Variants in SH3PXD2B observed in about 807,000 individuals in gnomAD.
SH3PXD2B encodes SH3 and PX domain-containing protein 2B.
In SH3PXD2B, 37 loss-of-function variants were observed where a neutral mutation model predicts 73.1. The observed-to-expected ratio is 0.51, with a 90% confidence interval of 0.39 to 0.67. SH3PXD2B has a LOEUF of 0.67. SH3PXD2B is among the 30% of genes least tolerant of loss of function. The pLI is 0.00. For synonymous variants in SH3PXD2B, 457 were observed against 480.5 expected, an observed-to-expected ratio of 0.95 and a Z score of 0.64; for missense variants, 1,053 against 1,197.8, an observed-to-expected ratio of 0.88 and a Z score of 1.78.
At chr5:172,419,795 G>A (rs1332348386) in intron 2 of SH3PXD2B, among the ~76,000 whole-genome samples, 2 of 152,146 alleles carry the variant, frequency 1.3e-5, no homozygotes, top group African/African-American at 2.4e-5. Context: ...AGGTGTTATT[G>A]TTCTGTACCT....
chr5:172,336,532 A>G lies in SH3PXD2B; in HGVS notation c.*1837T>C, dbSNP rs1241611887. ...CGCAGAAGCAGCCAGCACCCACGTG[A>G]TAGGGGGTGGAGCTGGGAGGCGCGG... is the stretch of plus-strand genomic sequence containing the variant. On this transcript the variant is annotated 3_prime_UTR_variant, in exon 13 of 13. Transcript: ENST00000311601. 1.6e-5 allele frequency: 16 copies of G among 984,258 alleles called. No homozygotes were observed. Among genetic ancestry groups the G allele is most frequent in the Non-Finnish European group, 1.7e-5 (14 of 829,232 alleles). The allele number at this position is 984,258 out of a possible 1,614,324, so 61.0% of individuals were successfully genotyped here.
In SH3PXD2B at chr5:172,346,268, C is replaced by G; in HGVS notation, c.1063-7G>C. The G allele has an allele frequency of 6.2e-7, 1 of 1,613,490 alleles. No homozygotes were observed. The stretch of plus-strand genomic sequence containing the variant: ...GCAGGTTGAGGCCTCGAGGCTGGTA[C>G]GATCACACACAGGGTTATCTCCAAG... On this transcript the variant is annotated splice_polypyrimidine_tract_variant and splice_region_variant and intron_variant, in intron 11 of 12. Transcript: ENST00000311601.
intron 3 of SH3PXD2B, among the ~76,000 whole-genome samples, chr5:172,404,069 G>C (rs1758494694): frequency 6.6e-6 from 1 of 152,226 alleles, no homozygotes; most frequent in African/African-American, 2.4e-5. Flanking sequence ...GAAAATTCCA[G>C]CATGGTTGTA....
chr5:172,365,722 G>C (rs1468947473), intron 6 of SH3PXD2B, among the ~76,000 whole-genome samples: 1 of 152,214 alleles, frequency 6.6e-6, no homozygotes, highest in Non-Finnish European at 1.5e-5. Flanking sequence ...TTAACAATGA[G>C]CTTCTTGAGG....
intron 7 of SH3PXD2B, among the ~76,000 whole-genome samples, chr5:172,361,618 C>G (rs904036709): frequency 6.6e-6 from 1 of 152,220 alleles, no homozygotes; most frequent in Non-Finnish European, 1.5e-5. Flanking sequence ...TGCACACACT[C>G]ATTCTCAGGA....
chr5:172,368,554 T>TTA (rs1491167283), intron 6 of SH3PXD2B, among the ~76,000 whole-genome samples: 8 of 13,362 alleles, frequency 6.0e-4, no homozygotes, highest in African/African-American at 2.2e-3. Context: ...TATATATATA[T>TTA]TATATATATA....
intron 1 of SH3PXD2B, among the ~76,000 whole-genome samples, chr5:172,423,227 G>A (rs535402596): frequency 2.6e-5 from 4 of 152,292 alleles, no homozygotes; most frequent in South Asian, 2.1e-4. Context: ...TGGTGGCCCC[G>A]GACACACCAG....
At chr5:172,394,432 T>A in intron 4 of SH3PXD2B, 131 bp downstream of exon 4, 1 of 886,288 alleles carries the variant, frequency 1.1e-6, no homozygotes, top group East Asian at 2.7e-5. Context: ...TAATGAATGA[T>A]TTTCCCCCTA....
chr5:172,423,547 G>T (rs1042515929), intron 1 of SH3PXD2B, among the ~76,000 whole-genome samples: 4 of 129,796 alleles, frequency 3.1e-5, no homozygotes, highest in Admixed American at 7.2e-5. Context: ...TACGGGGTTG[G>T]GGGGGGGGGC....
Position 172,333,762 on chromosome 5 carries a change from C to A in SH3PXD2B, c.*4607G>T. On this transcript the variant is annotated 3_prime_UTR_variant, in exon 13 of 13. Coordinates refer to ENST00000311601, the MANE Select transcript of SH3PXD2B (RefSeq NM_001017995.3). ...CAGACACGAGGTGGTGGGCAGTGCC[C>A]ACTGTTCCTGGAGGGAGGTAAGAAA... is the stretch of plus-strand genomic sequence containing the variant. 1 of 1,289,302 alleles carries A rather than the reference C, an allele frequency of 7.8e-7. No homozygotes were observed. Among genetic ancestry groups the A allele is most frequent in the Non-Finnish European group, 1.0e-6 (1 of 988,776 alleles). The allele number at this position is 1,289,302 out of a possible 1,614,324, so 79.9% of individuals were successfully genotyped here.
intron 1 of SH3PXD2B, among the ~76,000 whole-genome samples, chr5:172,436,076 C>G (rs1323572782): frequency 6.6e-6 from 1 of 152,224 alleles, no homozygotes; most frequent in South Asian, 2.1e-4. Context: ...GGGTTACACT[C>G]TCAGCTGTGG....
intron 12 of SH3PXD2B, among the ~76,000 whole-genome samples, chr5:172,344,931 G>C (rs549927949): frequency 6.6e-6 from 1 of 151,844 alleles, no homozygotes; most frequent in Non-Finnish European, 1.5e-5. Flanking sequence ...GAGGATGGAA[G>C]AAAGGCAGGA....
downstream of SH3PXD2B, among the ~76,000 whole-genome samples, chr5:172,329,083 A>ATATTTTTTTTTTTTTTTTT (rs58472514): frequency 8.1e-5 from 5 of 61,810 alleles, no homozygotes; most frequent in African/African-American, 3.1e-4. Flanking sequence ...ATATATATAT[A>ATATTTTTTTTTTTTTTTTT]TTTTTTTTTT....
At chr5:172,452,830 G>A (rs754191260) in intron 1 of SH3PXD2B, among the ~76,000 whole-genome samples, 1 of 151,266 alleles carries the variant, frequency 6.6e-6, no homozygotes, top group Admixed American at 6.6e-5. Context: ...GGCAGCATTT[G>A]AAAACAGTTA....
chr5:172,342,825 A>G (rs1007372510), intron 12 of SH3PXD2B, among the ~76,000 whole-genome samples: 1 of 152,084 alleles, frequency 6.6e-6, no homozygotes, highest in Admixed American at 6.5e-5. Context: ...AGAAGGAGCA[A>G]AGATGGCTGC....
intron 1 of SH3PXD2B, among the ~76,000 whole-genome samples, chr5:172,429,676 A>G (rs949322668): frequency 1.3e-5 from 2 of 152,186 alleles, no homozygotes; most frequent in African/African-American, 4.8e-5. Flanking sequence ...GCAGGTGGGT[A>G]GATGGCTGAA....
At chr5:172,348,642 C>CTATCTATG (rs1554135106) in intron 10 of SH3PXD2B, among the ~76,000 whole-genome samples, 3 of 67,502 alleles carry the variant, frequency 4.4e-5, no homozygotes, top group African/African-American at 2.0e-4. Context: ...ATCTATGTAT[C>CTATCTATG]TATCTATCTA....
At chr5:172,382,556 A>AACACACACACACACACACAC (rs3057156) in intron 4 of SH3PXD2B, among the ~76,000 whole-genome samples, 1 of 149,460 alleles carries the variant, frequency 6.7e-6, no homozygotes, top group Non-Finnish European at 1.5e-5. Flanking sequence ...TTTGGAGAAC[A>AACACACACACACACACACAC]ACACACACAC....
At chr5:172,390,858 T>C (rs1229145571) in intron 4 of SH3PXD2B, among the ~76,000 whole-genome samples, 1 of 137,072 alleles carries the variant, frequency 7.3e-6, no homozygotes, top group Non-Finnish European at 1.6e-5. Context: ...TGTGTGTGTG[T>C]GTGACAGAGT....
Sources: allele counts gnomAD v4.1 joint callset (sites outside exome capture counted in the v4.1 genomes callset), GRCh38; gene constraint gnomAD v4.1.1; transcripts MANE v1.5; gene names NCBI Gene and HGNC (gene_info 2026-07-23, HGNC 2026-07-21).